ITGB4: variants seen among roughly 807,000 people sequenced by gnomAD.
ITGB4 encodes integrin subunit beta 4.
Under a neutral mutation model 207.6 loss-of-function variants are expected in ITGB4, and 159 were observed. That is an observed-to-expected ratio of 0.77 (90% CI 0.67 to 0.87). The LOEUF (loss-of-function observed/expected upper bound fraction) is 0.87, where lower values mean the gene tolerates loss of function less well. Among genes scored for constraint, ITGB4 ranks in the 40% least tolerant of loss-of-function variants. The pLI, the probability that ITGB4 is intolerant of heterozygous loss-of-function variation, is 0.00. For missense variants in ITGB4, 2,278 were observed against 2,546.8 expected (o/e 0.89, Z 2.27); for synonymous variants, 1,020 against 1,062.7 (o/e 0.96, Z 0.78).
chr17:75,727,743 G>T lies in ITGB4; in HGVS notation c.357G>T (p.Glu119Asp), dbSNP rs751692203. Reference protein sequence around the residue: ...RLRPGEERHFELEVFEPLESP... With the variant: ...RLRPGEERHFDLEVFEPLESP... ...GGCCCGGTGAGGAGCGGCATTTTGA[G>T]CTGGAGGTGTTTGAGCCACTGGAGA... Residue 119 changes from glutamate (E) to aspartate (D), a missense_variant, in exon 5 of 40, where the codon GAG (glutamate) becomes GAT (aspartate). Glu to Asp is a conservative substitution (Grantham distance 45). Coordinates refer to ENST00000200181, the MANE Select transcript of ITGB4 (RefSeq NM_000213.5). This position sits in a 1 kb window ranked among gnomAD's most constrained non-coding sequence, Gnocchi z 6.0. 6.2e-7 allele frequency: 1 copy of T among 1,614,048 alleles called. No individual in the cohort carries two copies. The highest frequency in any genetic ancestry group is 1.7e-5 in the Admixed American group (1 of 60,024).
chr17:75,753,507 G>T (rs1471612453), intron 32 of ITGB4, among the ~76,000 whole-genome samples: 1 of 152,188 alleles, frequency 6.6e-6, no homozygotes, highest in Non-Finnish European at 1.5e-5. Context: ...GGTTTCTGGC[G>T]GGTCCGGGGG....
Position 75,729,382 on chromosome 17 carries a change from C to T in ITGB4, c.684C>T (p.Asn228=), listed in dbSNP as rs756966269. 6.2e-7 allele frequency: 1 copy of T among 1,614,058 alleles called. No individual in the cohort carries two copies. Among genetic ancestry groups the T allele is most frequent in the African/African-American group, 1.3e-5 (1 of 74,918 alleles). The change falls in exon 7 of 40, where the codon AAC becomes AAT. Residue 228 remains asparagine (N), a synonymous_variant. Coordinates refer to ENST00000200181, the MANE Select transcript of ITGB4 (RefSeq NM_000213.5). This position sits in a 1 kb window ranked among gnomAD's most constrained non-coding sequence, Gnocchi z 4.4. ...NKLQGERISG[N]LDAPEGGFDA... ...TGCAGGGAGAGCGGATCTCAGGCAA[C>T]CTGGATGCTCCTGAGGGCGGCTTCG...
intron 30 of ITGB4, chr17:75,751,584 AC>A (rs1242666349): frequency 4.3e-6 from 1 of 230,910 alleles, no homozygotes; most frequent in Non-Finnish European, 8.7e-6. Flanking sequence ...AACCGTTTCT[AC>A]TAAAAATTAG....
rs1383012433 is a variant in ITGB4 at position 75,740,653 on chromosome 17, G to T, written c.2551-140G>T. 3.0e-5 allele frequency: 32 copies of T among 1,068,866 alleles called. No homozygotes were observed. Among genetic ancestry groups the T allele is most frequent in the Non-Finnish European group, 4.4e-5 (31 of 701,308 alleles). The allele number at this position is 1,068,866 out of a possible 1,614,324, so 66.2% of individuals were successfully genotyped here. A position where few individuals can be genotyped will look rare whatever the true frequency, so the allele number is the denominator to read the frequency against. On this transcript the variant is annotated intron_variant, in intron 21 of 39. Coordinates refer to ENST00000200181, the MANE Select transcript of ITGB4 (RefSeq NM_000213.5). The surrounding 1 kb of genome is among the most constrained non-coding windows in gnomAD (Gnocchi z 5.9). ...GCAGAAGGCCAGAGCCTGGGCCCAG[G>T]ATGCTGCCCCACGGGGCATGCCCCA...
rs776214034 is a variant in ITGB4 at position 75,730,261 on chromosome 17, G to A, written c.759G>A (p.Pro253=). Reference sequence around the variant, plus strand: ...CCCAGAGGGACATTGGCTGGCGCCCGGACAGCACCCACCTGCTGGTCTTCT... The same window carrying A: ...CCCAGAGGGACATTGGCTGGCGCCCAGACAGCACCCACCTGCTGGTCTTCT... ...AVCTRDIGWR[P]DSTHLLVFST... Residue 253 remains proline (P), a synonymous_variant, in exon 8 of 40, where the codon CCG becomes CCA. Transcript: ENST00000200181. The A allele has an allele frequency of 7.9e-5, 127 of 1,612,744 alleles. No homozygotes were observed. Among genetic ancestry groups the A allele is most frequent in the Admixed American group, 2.0e-4 (12 of 60,000 alleles).
intron 26 of ITGB4, among the ~76,000 whole-genome samples, chr17:75,748,627 G>T (rs1323793736): frequency 6.6e-6 from 1 of 151,656 alleles, no homozygotes; most frequent in Non-Finnish European, 1.5e-5. Flanking sequence ...CCGAGATCAT[G>T]CCACTGCACT....
In ITGB4 at chr17:75,757,467, G is replaced by A. The variant is rs375778262; in HGVS notation, c.5381G>A (p.Arg1794Gln). 8.3e-5 allele frequency: 134 copies of A among 1,611,576 alleles called. No homozygotes were observed. The East Asian group carries it at 9.8e-4, about 12-fold the overall frequency. ...QHLEAGGSLT[R>Q]HVTQEFVSRT... ...CTGGAGGCAGGCGGCTCCCTCACCC[G>A]GCATGTGACCCAGGAGTTTGTGAGC... Residue 1794 changes from arginine (R) to glutamine (Q), a missense_variant, in exon 40 of 40, where the codon CGG becomes CAG. Transcript: ENST00000200181.
Position 75,721,877 on chromosome 17 carries a change from C to T in ITGB4, c.-11+265C>T, listed in dbSNP as rs189240650. Among the ~76,000 whole-genome samples the T allele has an allele frequency of 3.0e-3, 453 of 152,348 alleles. 2 individuals are homozygous for T. The highest frequency in any genetic ancestry group is 5.6e-3 in the Non-Finnish European group (379 of 68,006). On this transcript the variant is annotated intron_variant, in intron 1 of 39. Transcript: ENST00000200181. ...GCCTGCGGGAGAAGTGGGCAGAGGC[C>T]AGTGGCTGGTAGCCCTCTGGGGCTG...
chr17:75,739,940 A>G lies in ITGB4; in HGVS notation c.2315A>G (p.Asp772Gly). 6.2e-7 allele frequency: 1 copy of G among 1,613,292 alleles called. No homozygotes were observed. Among genetic ancestry groups the G allele is most frequent in the African/African-American group, 1.3e-5 (1 of 75,036 alleles). Residue 772 changes from aspartate (D) to glycine (G), a missense_variant, in exon 20 of 40, where the codon GAC becomes GGC. Transcript: ENST00000200181. This position sits in a 1 kb window ranked among gnomAD's most constrained non-coding sequence, Gnocchi z 5.4. ...CTGCGGGAGAACCTGATGGCCTCTG[A>G]CCACTTGGACACGCCCATGCTGCGC... is the stretch of plus-strand genomic sequence containing the variant. ...YMLRENLMAS[D>G]HLDTPMLRSG...
In ITGB4 at chr17:75,756,517, C is replaced by G. The variant is rs530315339; in HGVS notation, c.4797C>G (p.Arg1599=). 2 of 1,613,344 alleles carry G rather than the reference C, an allele frequency of 1.2e-6. No homozygotes were observed. The highest frequency in any genetic ancestry group is 2.7e-5 in the African/African-American group (2 of 75,046). The change falls in exon 36 of 40, where the codon CGC becomes CGG. Residue 1599 remains arginine, a synonymous_variant. Coordinates refer to ENST00000200181, the MANE Select transcript of ITGB4 (RefSeq NM_000213.5). The stretch of plus-strand genomic sequence containing the variant: ...TGCCCAACCACTCCTACGTGTTCCG[C>G]GTGCGGGCCCAGAGCCAGGAAGGCT... The part of the protein sequence containing the change: ...DLLPNHSYVF[R]VRAQSQEGWG...
chr17:75,753,781 C>T lies in ITGB4; in HGVS notation c.4125C>T (p.Phe1375=), dbSNP rs1362627109. The part of the protein sequence containing the change: ...VSDDTGCGWK[F]EPLLGEELDL... ...GTTCCCAAGGCTGCGGCTGGAAGTT[C>T]GAGCCCCTGCTGGGGGAGGAGCTGG... The change falls in exon 33 of 40, where the codon TTC becomes TTT. Residue 1375 remains phenylalanine (F), a synonymous_variant. Coordinates refer to ENST00000200181, the MANE Select transcript of ITGB4 (RefSeq NM_000213.5). The T allele has an allele frequency of 2.3e-5, 33 of 1,452,510 alleles. No individual in the cohort carries two copies. The highest frequency in any genetic ancestry group is 2.9e-5 in the Non-Finnish European group (32 of 1,102,390). 90.0% of individuals were successfully genotyped at this position (1,452,510 alleles called of 1,614,324 possible).
At chr17:75,723,812 C>T (rs2060663474) in intron 1 of ITGB4, among the ~76,000 whole-genome samples, 1 of 152,250 alleles carries the variant, frequency 6.6e-6, no homozygotes, top group Non-Finnish European at 1.5e-5. Flanking sequence ...AGGCGCGGTG[C>T]TCACCTTTGC....
Position 75,733,212 on chromosome 17 carries a change from C to T in ITGB4, c.1455-278C>T, listed in dbSNP as rs820171. 0.26 allele frequency among the ~76,000 whole-genome samples: 39,683 copies of T among 151,672 alleles called. 5,418 individuals carry two copies. Among genetic ancestry groups the T allele is most frequent in the East Asian group, 0.42 (2,174 of 5,134 alleles). On this transcript the variant is annotated intron_variant, in intron 12 of 39. Transcript: ENST00000200181. ...GACCATCCTGGCTAACATGGTGAAACCCCGTCTACTAAAAATACAAAAAAT... is the reference window on the plus strand; with the variant it reads ...GACCATCCTGGCTAACATGGTGAAATCCCGTCTACTAAAAATACAAAAAAT...
intron 35 of ITGB4, 104 bp from the exon 36 acceptor site, chr17:75,756,325 G>C: frequency 7.9e-7 from 1 of 1,267,212 alleles, no homozygotes. Flanking sequence ...GCTAGTCCTG[G>C]GTGGGTGATA....
At chr17:75,734,579 G>C (rs1055418261) in intron 13 of ITGB4, among the ~76,000 whole-genome samples, 1 of 152,194 alleles carries the variant, frequency 6.6e-6, no homozygotes, top group African/African-American at 2.4e-5. Flanking sequence ...CAGACAAGGG[G>C]ACATAGGGAA....
chr17:75,732,172 G>A lies in ITGB4; in HGVS notation c.1387G>A (p.Val463Met). 1 of 1,614,124 alleles carries A rather than the reference G, an allele frequency of 6.2e-7. No homozygotes were observed. Residue 463 changes from valine (V) to methionine (M), a missense_variant, in exon 12 of 40, where the codon GTG (valine) becomes ATG (methionine). Physicochemically the swap from Val to Met is conservative, Grantham distance 21. Transcript: ENST00000200181. This position sits in a 1 kb window ranked among gnomAD's most constrained non-coding sequence, Gnocchi z 5.3. ...DVCTCELQKE[V>M]RSARCSFNGD... ...GTCTCTCTCATTCCAGCAAAAAGAG[G>A]TGCGGTCAGCTCGCTGCAGCTTCAA...
intron 26 of ITGB4, 40 bp from the exon 27 acceptor site, chr17:75,748,801 C>A: frequency 6.6e-7 from 1 of 1,514,020 alleles, no homozygotes; most frequent in Non-Finnish European, 9.0e-7. Flanking sequence ...TTGCCTCAGC[C>A]CCCAGCCATG....
At chr17:75,755,458 G>A (rs2061475326) in intron 34 of ITGB4, among the ~76,000 whole-genome samples, 1 of 152,198 alleles carries the variant, frequency 6.6e-6, no homozygotes, top group Non-Finnish European at 1.5e-5. Flanking sequence ...GCAGTTGAGG[G>A]GGTGGGGCTG....
Position 75,757,748 on chromosome 17 carries a change from A to C in ITGB4, c.*193A>C, listed in dbSNP as rs967874989. On this transcript the variant is annotated 3_prime_UTR_variant, in exon 40 of 40. Coordinates refer to ENST00000200181, the MANE Select transcript of ITGB4 (RefSeq NM_000213.5). Reference sequence around the variant, plus strand: ...CTCTGTGGGCCCAAACCTATTTGTAACCAAAGAGCTGGGAGCAGCACAAGG... The same window carrying C: ...CTCTGTGGGCCCAAACCTATTTGTACCCAAAGAGCTGGGAGCAGCACAAGG... The C allele has an allele frequency of 1.3e-5, 10 of 756,192 alleles. No homozygotes were observed. Among genetic ancestry groups the C allele is most frequent in the Middle Eastern group, 3.7e-4 (1 of 2,708 alleles). 46.8% of individuals were successfully genotyped at this position (756,192 alleles called of 1,614,324 possible).
Sources: allele counts gnomAD v4.1 joint callset (sites outside exome capture counted in the v4.1 genomes callset), GRCh38; gene constraint gnomAD v4.1.1; non-coding constraint Gnocchi (gnomAD v3.1); transcripts MANE v1.5; gene names NCBI Gene and HGNC (gene_info 2026-07-23, HGNC 2026-07-21).